The following KCND3 variants were observed in gnomAD, a reference collection of about 807,000 sequenced individuals.
KCND3 encodes potassium voltage-gated channel subfamily D member 3.
A neutral mutation model predicts 51.1 loss-of-function variants in KCND3; 9 were observed. The ratio of observed to expected loss-of-function variants is 0.18; its 90% CI spans 0.11 to 0.31. The LOEUF is 0.31. KCND3 is among the 10% of genes least tolerant of loss of function. KCND3 has a pLI of 1.00. For missense variants in KCND3, 526 were observed against 903.8 expected (o/e 0.58, Z 5.36); for synonymous variants, 349 against 368.0 (o/e 0.95, Z 0.59).
intron 2 of KCND3, among the ~76,000 whole-genome samples, chr1:111,797,251 T>C (rs1031166627): frequency 4.6e-5 from 7 of 152,132 alleles, no homozygotes; most frequent in African/African-American, 1.2e-4. Context: ...TGTAGACTCA[T>C]AGCATGTCAG....
At chr1:111,802,193 G>C (rs1402692771) in intron 2 of KCND3, among the ~76,000 whole-genome samples, 1 of 152,254 alleles carries the variant, frequency 6.6e-6, no homozygotes, top group Non-Finnish European at 1.5e-5. Context: ...TGGTTGGGCT[G>C]CTCACATCAT....
At chr1:111,842,764 C>A (rs1397516509) in intron 2 of KCND3, among the ~76,000 whole-genome samples, 1 of 152,194 alleles carries the variant, frequency 6.6e-6, no homozygotes, top group Non-Finnish European at 1.5e-5. Context: ...AACCAAGAGG[C>A]ACTGTCAGAG....
chr1:111,867,821 C>T (rs570718836), intron 2 of KCND3, among the ~76,000 whole-genome samples: 9 of 152,264 alleles, frequency 5.9e-5, no homozygotes, highest in Admixed American at 5.2e-4. Context: ...AGTGAAAATC[C>T]TAGCAATGTA....
intron 2 of KCND3, among the ~76,000 whole-genome samples, chr1:111,902,928 T>C (rs1670458585): frequency 6.6e-6 from 1 of 152,184 alleles, no homozygotes; most frequent in Non-Finnish European, 1.5e-5. Flanking sequence ...GTGCTCAATA[T>C]ATATTTTTAA....
chr1:111,854,809 C>T (rs1667986143), intron 2 of KCND3, among the ~76,000 whole-genome samples: 1 of 152,218 alleles, frequency 6.6e-6, no homozygotes, highest in South Asian at 2.1e-4. Flanking sequence ...GCCTGTGTTT[C>T]CCCACTGGTT....
chr1:111,938,960 T>C (rs1198433475), intron 2 of KCND3, among the ~76,000 whole-genome samples: 1 of 152,224 alleles, frequency 6.6e-6, no homozygotes, highest in African/African-American at 2.4e-5. Context: ...ATACCCCAAC[T>C]GCCTAGGTCA....
intron 2 of KCND3, among the ~76,000 whole-genome samples, chr1:111,931,707 A>C: frequency 6.6e-6 from 1 of 152,240 alleles, no homozygotes. Flanking sequence ...GCATCGGCAT[A>C]GTGCTGCGTA....
In KCND3 at chr1:111,796,034, C is replaced by T. The variant is rs189125700; in HGVS notation, c.1107-8928G>A. ...TTGCCCACTTTTTAATGGGGTTATTCGCTTTTTTGCTTGTTGACTTGTTTA... is the reference window on the plus strand; with the variant it reads ...TTGCCCACTTTTTAATGGGGTTATTTGCTTTTTTGCTTGTTGACTTGTTTA... On this transcript the variant is annotated intron_variant, in intron 2 of 7. Coordinates refer to ENST00000302127, the MANE Select transcript of KCND3 (RefSeq NM_001378969.1). Among the ~76,000 whole-genome samples the T allele has an allele frequency of 5.5e-4, 83 of 152,118 alleles. 1 individual carries two copies. Among genetic ancestry groups the T allele is most frequent in the East Asian group, 3.9e-4 (2 of 5,182 alleles).
chr1:111,824,235 C>A (rs1666476822), intron 2 of KCND3, among the ~76,000 whole-genome samples: 1 of 151,958 alleles, frequency 6.6e-6, no homozygotes, highest in Non-Finnish European at 1.5e-5. Flanking sequence ...ACGTGGAGAG[C>A]AGAAGAGCTT....
chr1:111,810,574 G>A (rs1665802124), intron 2 of KCND3, among the ~76,000 whole-genome samples: 1 of 152,184 alleles, frequency 6.6e-6, no homozygotes, highest in Non-Finnish European at 1.5e-5. Context: ...AGAATCTATA[G>A]CCAATTAGCT....
In KCND3 at chr1:111,775,567, G is replaced by A. The variant is rs551962192; in HGVS notation, c.*510C>T. ...GGAGAAAAACATTTCACAAAAATCC[G>A]TTGGTGTTTTTGTTTTCCACCTTTT... On this transcript the variant is annotated 3_prime_UTR_variant, in exon 8 of 8. Transcript: ENST00000302127. The A allele has an allele frequency of 1.1e-4, 19 of 167,592 alleles. No individual in the cohort carries two copies. Among genetic ancestry groups the A allele is most frequent in the African/African-American group, 1.9e-4 (8 of 41,810 alleles). The allele number at this position is 167,592 out of a possible 1,614,324, so 10.4% of individuals were successfully genotyped here. A position where few individuals can be genotyped will look rare whatever the true frequency, so the allele number is the denominator to read the frequency against.
chr1:111,915,613 C>T (rs1192343020), intron 2 of KCND3, among the ~76,000 whole-genome samples: 4 of 151,528 alleles, frequency 2.6e-5, no homozygotes, highest in African/African-American at 9.7e-5. Flanking sequence ...ATCAGCTGGG[C>T]GTGGTGGTGG....
At chr1:111,965,172 T>C (rs1673898821) in intron 2 of KCND3, among the ~76,000 whole-genome samples, 1 of 151,494 alleles carries the variant, frequency 6.6e-6, no homozygotes, top group Admixed American at 6.6e-5. Flanking sequence ...TCTCTCTGGA[T>C]TCTCCAGGCA....
intron 2 of KCND3, among the ~76,000 whole-genome samples, chr1:111,790,314 G>T (rs1205799006): frequency 6.6e-6 from 1 of 152,174 alleles, no homozygotes; most frequent in African/African-American, 2.4e-5. Context: ...TAATTCAAAA[G>T]AAACACTTAA....
At chr1:111,980,467 C>T (rs1243020802) in intron 2 of KCND3, among the ~76,000 whole-genome samples, 1 of 151,360 alleles carries the variant, frequency 6.6e-6, no homozygotes, top group African/African-American at 2.4e-5. Context: ...GAAAAACCAA[C>T]ACTATTGCCT....
Position 111,825,586 on chromosome 1 carries a change from T to C in KCND3, c.1107-38480A>G, listed in dbSNP as rs936802671. On this transcript the variant is annotated intron_variant, in intron 2 of 7. Transcript: ENST00000302127. ...TTTATTTTTTCCATAATAAAAGTAA[T>C]GCACAATCATTGTAAGAAATCTGAT... 2.0e-5 allele frequency among the ~76,000 whole-genome samples: 3 copies of C among 152,350 alleles called. No homozygotes were observed. In the South Asian group the frequency reaches 6.2e-4, roughly 32 times the overall value.
chr1:111,923,609 A>G (rs1206447428), intron 2 of KCND3, among the ~76,000 whole-genome samples: 1 of 152,146 alleles, frequency 6.6e-6, no homozygotes, highest in African/African-American at 2.4e-5. Context: ...TGTCTCCAGG[A>G]TTTTAATCTC....
chr1:111,902,460 G>A (rs942562966), intron 2 of KCND3, among the ~76,000 whole-genome samples: 3 of 152,192 alleles, frequency 2.0e-5, no homozygotes, highest in South Asian at 2.1e-4. Flanking sequence ...ATGCTCACAG[G>A]TCCTGGGTAG....
intron 2 of KCND3, among the ~76,000 whole-genome samples, chr1:111,845,048 C>A (rs1343979887): frequency 1.3e-5 from 2 of 152,174 alleles, no homozygotes; most frequent in African/African-American, 2.4e-5. Flanking sequence ...TGCATTCTCT[C>A]GGCTTCCTTA....
Sources: allele counts gnomAD v4.1 joint callset (sites outside exome capture counted in the v4.1 genomes callset), GRCh38; gene constraint gnomAD v4.1.1; transcripts MANE v1.5; gene names NCBI Gene and HGNC (gene_info 2026-07-23, HGNC 2026-07-21).